CFAP54: variants seen among roughly 807,000 people sequenced by gnomAD.
CFAP54 encodes the protein cilia- and flagella-associated protein 54.
In CFAP54, 290 loss-of-function variants were observed where a neutral mutation model predicts 370.4. That is an observed-to-expected ratio of 0.78 (90% CI 0.71 to 0.86). The LOEUF (loss-of-function observed/expected upper bound fraction) is 0.86, where lower values mean the gene tolerates loss of function less well. Ranked by LOEUF, CFAP54 falls within the 40% of genes least tolerant of loss-of-function variation. The probability of loss-of-function intolerance (pLI) is 0.00; values close to 1 mark genes in which losing one functional copy is unlikely to be tolerated. For synonymous variants in CFAP54, 1,206 were observed against 1,236.5 expected, an observed-to-expected ratio of 0.98 and a Z score of 0.52; for missense variants, 3,399 against 3,528.7, an observed-to-expected ratio of 0.96 and a Z score of 0.93.
chr12:96,807,898 C>T (rs766322099), intron 63 of CFAP54, among the ~76,000 whole-genome samples: 2 of 152,090 alleles, frequency 1.3e-5, no homozygotes, highest in Non-Finnish European at 2.9e-5. Context: ...CTCACACCAC[C>T]GATTCATGGA....
chr12:96,700,047 T>A lies in CFAP54; in HGVS notation c.6428T>A (p.Met2143Lys), dbSNP rs1174341080. Residue 2143 changes from methionine (M) to lysine (K), a missense_variant, in exon 46 of 68, where the codon ATG (methionine) becomes AAG (lysine). Coordinates refer to ENST00000524981, the MANE Select transcript of CFAP54 (RefSeq NM_001306084.2). ...TCCCAAATTTTCTATGGAAAAAACA[T>A]GCCTTGTCCAATACCTGCAGGCTAT... Reference protein sequence around the residue: ...EISQIFYGKNMPCPIPAGYKA... With the variant: ...EISQIFYGKNKPCPIPAGYKA... 1.1e-5 allele frequency: 17 copies of A among 1,610,082 alleles called. No individual in the cohort carries two copies. The highest frequency in any genetic ancestry group is 1.4e-5 in the Non-Finnish European group (17 of 1,178,436).
chr12:96,705,800 C>T (rs1957540761), intron 47 of CFAP54, among the ~76,000 whole-genome samples: 1 of 152,078 alleles, frequency 6.6e-6, no homozygotes, highest in African/African-American at 2.4e-5. Flanking sequence ...AATAGTATTA[C>T]TAATTAATCT....
intron 67 of CFAP54, among the ~76,000 whole-genome samples, chr12:96,861,319 C>T (rs971420178): frequency 1.3e-5 from 2 of 152,080 alleles, no homozygotes; most frequent in East Asian, 1.9e-4. Flanking sequence ...TGTCTGGAGA[C>T]GTATTTGGTT....
At chr12:96,512,743 T>C (rs1414708896) in intron 4 of CFAP54, among the ~76,000 whole-genome samples, 1 of 152,212 alleles carries the variant, frequency 6.6e-6, no homozygotes, top group Non-Finnish European at 1.5e-5. Flanking sequence ...TTAAATGGCC[T>C]GTAAAATGAG....
intron 23 of CFAP54, among the ~76,000 whole-genome samples, chr12:96,591,910 A>T (rs2052294): frequency 0.48 from 65,761 of 137,792 alleles, 15,206 homozygotes; most frequent in Middle Eastern, 0.53. Flanking sequence ...AAAAAGAAAT[A>T]TTTTTTTTTT....
At chr12:96,659,494 A>C (rs1460780743) in intron 38 of CFAP54, among the ~76,000 whole-genome samples, 1 of 152,194 alleles carries the variant, frequency 6.6e-6, no homozygotes, top group East Asian at 1.9e-4. Flanking sequence ...AAGAAGAAAA[A>C]AATAACTTTC....
intron 63 of CFAP54, among the ~76,000 whole-genome samples, chr12:96,806,159 A>AATATATATATAT (rs548500750): frequency 4.3e-4 from 12 of 27,886 alleles, no homozygotes; most frequent in Non-Finnish European, 4.8e-4. Context: ...TCACTAGCCA[A>AATATATATATAT]ATATATATAT....
chr12:96,864,842 T>C (rs762956792), intron 67 of CFAP54, among the ~76,000 whole-genome samples: 2 of 152,204 alleles, frequency 1.3e-5, no homozygotes, highest in African/African-American at 2.4e-5. Context: ...ACTGGGTACA[T>C]TGTTTTTCCT....
chr12:96,846,870 A>G (rs1287880825), intron 66 of CFAP54, among the ~76,000 whole-genome samples: 1 of 152,078 alleles, frequency 6.6e-6, no homozygotes, highest in Non-Finnish European at 1.5e-5. Context: ...GCTTTTCCTG[A>G]CACCAAGCAA....
At chr12:96,582,437 A>G (rs1308583648) in intron 22 of CFAP54, among the ~76,000 whole-genome samples, 2 of 152,182 alleles carry the variant, frequency 1.3e-5, no homozygotes, top group African/African-American at 4.8e-5. Context: ...GTTGATTAGT[A>G]ATATAAGATA....
chr12:96,811,808 A>G lies in CFAP54; in HGVS notation c.8923A>G (p.Thr2975Ala). Residue 2975 changes from threonine (T) to alanine (A), a missense_variant, in exon 64 of 68, where the codon ACA (threonine) becomes GCA (alanine). Around this residue, in one of 3 missense-constraint regions of CFAP54, gnomAD observed 2,796 missense variants for 2,869.7 expected, o/e 0.97. Transcript: ENST00000524981. ...TGTTAGACATTCCACTTATAACAGT[A>G]CATGTGTTGGCTCTTTATGGATTCC... ...SDVRHSTYNS[T>A]CVGSLWIPLN... is the part of the protein sequence containing the mutation. 6.6e-7 allele frequency: 1 copy of G among 1,521,618 alleles called. No homozygotes were observed. The highest frequency in any genetic ancestry group is 8.8e-7 in the Non-Finnish European group (1 of 1,141,090). The allele number at this position is 1,521,618 out of a possible 1,614,324, so 94.3% of individuals were successfully genotyped here.
intron 33 of CFAP54, 121 bp downstream of exon 33, chr12:96,644,529 A>T: frequency 1.4e-6 from 1 of 690,454 alleles, no homozygotes; most frequent in Non-Finnish European, 2.4e-6. Context: ...TTCTATCTTT[A>T]TACTGGCTCT....
At chr12:96,733,831 A>G (rs1957950733) in intron 50 of CFAP54, among the ~76,000 whole-genome samples, 1 of 152,236 alleles carries the variant, frequency 6.6e-6, no homozygotes, top group African/African-American at 2.4e-5. Context: ...TAAGATGCCA[A>G]ACCTCATACC....
At chr12:96,609,111 G>A (rs1450719885) in intron 26 of CFAP54, among the ~76,000 whole-genome samples, 1 of 151,992 alleles carries the variant, frequency 6.6e-6, no homozygotes, top group African/African-American at 2.4e-5. Context: ...AGGAGGAGAG[G>A]CAATTTTCAT....
intron 66 of CFAP54, among the ~76,000 whole-genome samples, chr12:96,857,014 AAC>A (rs1959723076): frequency 6.6e-6 from 1 of 152,164 alleles, no homozygotes; most frequent in Non-Finnish European, 1.5e-5. Context: ...AGGGGAAGCA[AAC>A]ACATCCTTCT....
chr12:96,590,624 G>T (rs927304532), intron 23 of CFAP54, among the ~76,000 whole-genome samples: 1 of 152,210 alleles, frequency 6.6e-6, no homozygotes, highest in African/African-American at 2.4e-5. Flanking sequence ...TGCTATGGGG[G>T]TATGGGTTTC....
At chr12:96,670,267 T>C (rs989632286) in intron 39 of CFAP54, among the ~76,000 whole-genome samples, 3 of 152,180 alleles carry the variant, frequency 2.0e-5, no homozygotes, top group African/African-American at 7.2e-5. Context: ...TTTTCATGGA[T>C]TATCATGTTT....
At chr12:96,779,108 A>C (rs1189059114) in intron 60 of CFAP54, among the ~76,000 whole-genome samples, 1 of 46,562 alleles carries the variant, frequency 2.1e-5, no homozygotes, top group East Asian at 4.4e-4. Context: ...TCTCCATCTC[A>C]AAAAAAAAAA....
chr12:96,724,888 C>A (rs755061057), intron 50 of CFAP54, among the ~76,000 whole-genome samples: 6 of 152,256 alleles, frequency 3.9e-5, no homozygotes, highest in African/African-American at 1.4e-4. Context: ...TCAGCTTTCT[C>A]CATATAGCTA....
Sources: gnomAD v4.1 joint callset for allele counts (sites outside exome capture counted in the v4.1 genomes callset) on GRCh38, gnomAD v4.1.1 for gene constraint, gnomAD v4.1.1 regional missense constraint, MANE v1.5 for transcripts, NCBI Gene and HGNC (gene_info 2026-07-23, HGNC 2026-07-21) for gene names.